The following CFAP20DC variants were observed in gnomAD, a reference collection of about 807,000 sequenced individuals.
CFAP20DC encodes the protein protein CFAP20DC.
CFAP20DC carries 84 observed loss-of-function variants against 101.7 expected under a neutral mutation model. The observed-to-expected ratio is 0.83, with a 90% CI of 0.69 to 0.99. The LOEUF is 0.99. Among genes scored for constraint, CFAP20DC ranks in the 50% least tolerant of loss-of-function variants. The pLI is 0.00. For synonymous variants in CFAP20DC, 359 were observed against 351.2 expected (o/e 1.02, Z -0.25); for missense variants, 1,007 against 970.3 (o/e 1.04, Z -0.50).
intron 13 of CFAP20DC, 124 bp from the exon 14 acceptor site, chr3:58,832,013 G>GCCTC: frequency 1.4e-6 from 1 of 725,174 alleles, no homozygotes; most frequent in South Asian, 1.7e-5. Context: ...TCCCTAACAT[G>GCCTC]CCTCCATGCG....
At chr3:58,876,276 G>A (rs2080747864) in intron 7 of CFAP20DC, among the ~76,000 whole-genome samples, 1 of 151,988 alleles carries the variant, frequency 6.6e-6, no homozygotes, top group East Asian at 1.9e-4. Context: ...CACGTATTGT[G>A]CTATGCATCT....
intron 15 of CFAP20DC, among the ~76,000 whole-genome samples, chr3:58,800,725 A>G (rs1011374267): frequency 2.0e-5 from 3 of 152,146 alleles, no homozygotes; most frequent in Admixed American, 6.5e-5. Context: ...AGGGAGTGGT[A>G]CATGCATGAA....
intron 4 of CFAP20DC, among the ~76,000 whole-genome samples, chr3:58,957,917 A>G (rs1223638081): frequency 2.0e-5 from 3 of 152,156 alleles, no homozygotes; most frequent in Non-Finnish European, 4.4e-5. Context: ...GAATGAATGA[A>G]TAGGACTTAG....
intron 13 of CFAP20DC, among the ~76,000 whole-genome samples, chr3:58,837,309 G>T (rs1481949148): frequency 6.6e-6 from 1 of 152,088 alleles, no homozygotes; most frequent in Non-Finnish European, 1.5e-5. Context: ...GATACATAAA[G>T]GATGATATAA....
At chr3:58,965,354 T>C (rs1029066707) in intron 4 of CFAP20DC, among the ~76,000 whole-genome samples, 1 of 152,236 alleles carries the variant, frequency 6.6e-6, no homozygotes, top group African/African-American at 2.4e-5. Context: ...TCTCTGATTT[T>C]AAAAGAGTGA....
chr3:59,029,749 G>C (rs1379734874), intron 4 of CFAP20DC, among the ~76,000 whole-genome samples: 2 of 152,128 alleles, frequency 1.3e-5, no homozygotes, highest in African/African-American at 4.8e-5. Flanking sequence ...GAAGAAGCTG[G>C]AAGTCCACTG....
At chr3:59,008,232 G>A (rs1411457915) in intron 4 of CFAP20DC, among the ~76,000 whole-genome samples, 3 of 152,156 alleles carry the variant, frequency 2.0e-5, no homozygotes, top group Admixed American at 2.0e-4. Context: ...TGTCTGATGT[G>A]AATAGCTAAA....
At chr3:58,854,134 AAGTC>A (rs2078530162) in intron 12 of CFAP20DC, among the ~76,000 whole-genome samples, 2 of 152,188 alleles carry the variant, frequency 1.3e-5, no homozygotes, top group African/African-American at 4.8e-5. Flanking sequence ...AACTTCAGCA[AAGTC>A]TCAGGATACA....
intron 6 of CFAP20DC, among the ~76,000 whole-genome samples, chr3:58,890,120 T>G (rs1486419798): frequency 1.3e-5 from 2 of 150,314 alleles, no homozygotes; most frequent in Admixed American, 1.3e-4. Context: ...CACTTCCCAG[T>G]AGGGGCGGCC....
chr3:58,817,271 C>G (rs777490235), intron 14 of CFAP20DC, among the ~76,000 whole-genome samples: 2 of 152,162 alleles, frequency 1.3e-5, no homozygotes, highest in South Asian at 4.1e-4. Flanking sequence ...TCAAGAGCAA[C>G]GGAACAAAGC....
At chr3:58,760,236 A>T (rs1307208145) in intron 15 of CFAP20DC, among the ~76,000 whole-genome samples, 1 of 152,114 alleles carries the variant, frequency 6.6e-6, no homozygotes, top group Non-Finnish European at 1.5e-5. Flanking sequence ...GTTCTCCTTG[A>T]AGAGGTCCTT....
chr3:58,858,300 A>G (rs543159443), intron 12 of CFAP20DC, among the ~76,000 whole-genome samples: 1 of 152,190 alleles, frequency 6.6e-6, no homozygotes, highest in Non-Finnish European at 1.5e-5. Flanking sequence ...ACATCAATAG[A>G]GTTTGCCTGA....
chr3:58,930,962 C>T (rs868075517), intron 5 of CFAP20DC, among the ~76,000 whole-genome samples: 4 of 152,100 alleles, frequency 2.6e-5, no homozygotes, highest in African/African-American at 7.2e-5. Context: ...CGAAGCAGGG[C>T]GAGGCATTGC....
At chr3:59,045,693 A>G (rs1227334361) in intron 3 of CFAP20DC, among the ~76,000 whole-genome samples, 1 of 152,124 alleles carries the variant, frequency 6.6e-6, no homozygotes, top group Non-Finnish European at 1.5e-5. Context: ...TCATATATAT[A>G]CTTTATGATT....
In CFAP20DC at chr3:59,047,326, C is replaced by G. The variant is rs559873048; in HGVS notation, c.22-72G>C. On this transcript the variant is annotated intron_variant, in intron 1 of 16. Transcript: ENST00000482387. ...TATTATCCACCACATAGTCTATAAC[C>G]AGTGTTCCCGGCATCTGTCAGTTAA... is the stretch of plus-strand genomic sequence containing the variant. 507 of 1,017,824 alleles carry G rather than the reference C, an allele frequency of 5.0e-4. 3 individuals are homozygous for G. The South Asian group carries it at 7.2e-3, about 14-fold the overall frequency. 63.0% of individuals were successfully genotyped at this position (1,017,824 alleles called of 1,614,324 possible).
intron 4 of CFAP20DC, among the ~76,000 whole-genome samples, chr3:58,966,358 G>A (rs368645603): frequency 4.6e-5 from 7 of 152,026 alleles, no homozygotes; most frequent in East Asian, 1.9e-4. Context: ...GTGTCCCTAC[G>A]TCAGGCTTGG....
At chr3:59,040,478 T>C (rs890751686) in intron 3 of CFAP20DC, among the ~76,000 whole-genome samples, 1 of 152,058 alleles carries the variant, frequency 6.6e-6, no homozygotes, top group African/African-American at 2.4e-5. Context: ...AAACATGCAA[T>C]TTACAAACAT....
intron 4 of CFAP20DC, among the ~76,000 whole-genome samples, chr3:58,947,613 T>A (rs963534738): frequency 6.6e-6 from 1 of 152,232 alleles, no homozygotes; most frequent in Non-Finnish European, 1.5e-5. Flanking sequence ...AATTCAATAC[T>A]GAGTAAGGTC....
At chr3:58,761,571 TC>T (rs1276730310) in intron 15 of CFAP20DC, among the ~76,000 whole-genome samples, 1 of 152,216 alleles carries the variant, frequency 6.6e-6, no homozygotes, top group Non-Finnish European at 1.5e-5. Flanking sequence ...TTTCTTGCCT[TC>T]TGCTAGCTTT....
Sources: allele counts gnomAD v4.1 joint callset (sites outside exome capture counted in the v4.1 genomes callset), GRCh38; gene constraint gnomAD v4.1.1; transcripts MANE v1.5; gene names NCBI Gene and HGNC (gene_info 2026-07-23, HGNC 2026-07-21).